The following SETD2 variants were observed in gnomAD, a reference collection of about 807,000 sequenced individuals.
The protein encoded by SETD2 is histone-lysine N-methyltransferase SETD2.
SETD2 carries 31 observed loss-of-function variants against 242.1 expected under a neutral mutation model. The ratio of observed to expected loss-of-function variants is 0.13; its 90% CI spans 0.10 to 0.17. The LOEUF is 0.17. Ranked by LOEUF, SETD2 falls within the 10% of genes least tolerant of loss-of-function variation. The pLI, the probability that SETD2 is intolerant of heterozygous loss-of-function variation, is 1.00. For missense variants in SETD2, 2,481 were observed against 3,046.3 expected (o/e 0.81, Z 4.37); for synonymous variants, 1,006 against 1,066.5 (o/e 0.94, Z 1.11).
rs547630365 is a variant in SETD2 at position 47,121,334 on chromosome 3, C to T, written c.3302G>A (p.Trp1101Ter). ...SQSYRHYSDH[W>*]EDERLESRRH... ...CCTTGACTCCAATCTCTCATCTTCC[C>T]AATGGTCAGAATAGTGTCTATAACT... Residue 1101 changes from tryptophan to a stop codon, truncating the protein, a stop_gained, in exon 3 of 21, where the codon TGG (tryptophan) becomes TAG (stop). Coordinates refer to ENST00000409792, the MANE Select transcript of SETD2 (RefSeq NM_014159.7). LOFTEE classifies it high-confidence loss of function. 6.2e-7 allele frequency: 1 copy of T among 1,610,916 alleles called. No individual in the cohort carries two copies. The highest frequency in any genetic ancestry group is 2.2e-5 in the East Asian group (1 of 44,886).
chr3:47,067,670 A>G (rs1374273915), intron 12 of SETD2, among the ~76,000 whole-genome samples: 1 of 152,040 alleles, frequency 6.6e-6, no homozygotes, highest in African/African-American at 2.4e-5. Flanking sequence ...TCAGCCTCCC[A>G]AAGTGCTGGG....
chr3:47,100,410 GCCA>G (rs2042164991), intron 8 of SETD2, among the ~76,000 whole-genome samples: 1 of 151,740 alleles, frequency 6.6e-6, no homozygotes, highest in Non-Finnish European at 1.5e-5. Context: ...ACAGGCGTGC[GCCA>G]CCACGCCCAG....
In SETD2 at chr3:47,017,386, G is replaced by T; in HGVS notation, c.7534-132C>A. 1 of 961,844 alleles carries T rather than the reference G, an allele frequency of 1.0e-6. No homozygotes were observed. Among genetic ancestry groups the T allele is most frequent in the Non-Finnish European group, 1.5e-6 (1 of 651,662 alleles). The allele number at this position is 961,844 out of a possible 1,614,324, so 59.6% of individuals were successfully genotyped here. ...ACCAAGACAGGAAGTTAATAAGGGG[G>T]TAGATGTTGGGGCAGGCTGGTGCTA... On this transcript the variant is annotated intron_variant, in intron 20 of 20. Coordinates refer to ENST00000409792, the MANE Select transcript of SETD2 (RefSeq NM_014159.7). The surrounding 1 kb of genome is among the most constrained non-coding windows in gnomAD (Gnocchi z 4.8).
chr3:47,153,587 C>T (rs1415978847), intron 1 of SETD2, among the ~76,000 whole-genome samples: 2 of 151,728 alleles, frequency 1.3e-5, no homozygotes, highest in Admixed American at 6.6e-5. Context: ...CCTATCTCTA[C>T]AAAAAAAATT....
chr3:47,142,329 G>A (rs1394807723), intron 1 of SETD2, among the ~76,000 whole-genome samples: 2 of 151,984 alleles, frequency 1.3e-5, no homozygotes, highest in East Asian at 3.9e-4. Flanking sequence ...GCAACATAGT[G>A]AGACCTCGCC....
chr3:47,079,949 A>G (rs557980266), intron 12 of SETD2, among the ~76,000 whole-genome samples: 1 of 152,354 alleles, frequency 6.6e-6, no homozygotes, highest in East Asian at 1.9e-4. Context: ...TTGTTAAAGG[A>G]TAAGTAATAT....
chr3:47,154,106 A>G (rs1239299746), intron 1 of SETD2, among the ~76,000 whole-genome samples: 2 of 152,170 alleles, frequency 1.3e-5, no homozygotes, highest in Non-Finnish European at 2.9e-5. Context: ...TTGTTCAACT[A>G]TTTAAAAAAA....
In SETD2 at chr3:47,083,958, T is replaced by G. The variant is rs1310907958; in HGVS notation, c.5822A>C (p.Glu1941Ala). 1 of 1,614,168 alleles carries G rather than the reference T, an allele frequency of 6.2e-7. No homozygotes were observed. The part of the protein sequence containing the change: ...QQLPECKVDS[E>A]TNIEASKLPT... ...TAGCTTACTAGCTTCTATGTTGGTT[T>G]CACTATCAACTTTGCATTCAGGCAG... is the stretch of plus-strand genomic sequence containing the variant. Residue 1941 changes from glutamate (E) to alanine (A), a missense_variant, in exon 12 of 21, where the codon GAA becomes GCA. Physicochemically the swap from Glu to Ala is moderately radical, Grantham distance 107. Transcript: ENST00000409792.
intron 17 of SETD2, among the ~76,000 whole-genome samples, chr3:47,040,622 C>G (rs1280422896): frequency 6.9e-6 from 1 of 145,302 alleles, no homozygotes; most frequent in South Asian, 2.2e-4. Context: ...TCACCCAGGC[C>G]GGAATGCAGT....
chr3:47,164,007 CCGACCGCGG>C lies in SETD2; in HGVS notation c.-92_-84del, dbSNP rs1443639986. 4.2e-6 allele frequency: 5 copies of C among 1,188,400 alleles called. No individual in the cohort carries two copies. Among genetic ancestry groups the C allele is most frequent in the African/African-American group, 4.5e-5 (2 of 44,278 alleles). The allele number at this position is 1,188,400 out of a possible 1,614,324, so 73.6% of individuals were successfully genotyped here. A position where few individuals can be genotyped will look rare whatever the true frequency, so the allele number is the denominator to read the frequency against. ...GAGGGGAGGGGAGGAGGCCGCAGGTCCGACCGCGGCGGCGGCGGCGGCGGCGGCGGCGGC... is the reference window on the plus strand; with the variant it reads ...GAGGGGAGGGGAGGAGGCCGCAGGTCCGGCGGCGGCGGCGGCGGCGGCGGC... On this transcript the variant is annotated 5_prime_UTR_variant, in exon 1 of 21. Transcript: ENST00000409792. This position sits in a 1 kb window ranked among gnomAD's most constrained non-coding sequence, Gnocchi z 5.4.
intron 12 of SETD2, among the ~76,000 whole-genome samples, chr3:47,075,326 G>A (rs1424570785): frequency 2.0e-5 from 3 of 151,886 alleles, no homozygotes; most frequent in African/African-American, 4.8e-5. Flanking sequence ...TTGGGAAGCC[G>A]AGGTGGGCAG....
chr3:47,129,879 A>C (rs931558698), intron 1 of SETD2, among the ~76,000 whole-genome samples: 1 of 143,876 alleles, frequency 7.0e-6, no homozygotes, highest in Non-Finnish European at 1.5e-5. Flanking sequence ...ACTCCGCCTC[A>C]AAAAAAAAAA....
chr3:47,078,732 T>TG (rs1354268909), intron 12 of SETD2, among the ~76,000 whole-genome samples: 6 of 147,806 alleles, frequency 4.1e-5, no homozygotes, highest in African/African-American at 1.5e-4. Flanking sequence ...TTGTTGTTGT[T>TG]TTGTTTTGTT....
chr3:47,064,851 ATT>A (rs1355589871), intron 13 of SETD2, among the ~76,000 whole-genome samples: 1 of 150,530 alleles, frequency 6.6e-6, no homozygotes, highest in Non-Finnish European at 1.5e-5. Context: ...GCATTTTCTT[ATT>A]TTAGAAACCT....
chr3:47,131,527 T>A (rs1199943586), intron 1 of SETD2, among the ~76,000 whole-genome samples: 2 of 151,610 alleles, frequency 1.3e-5, no homozygotes, highest in Non-Finnish European at 1.5e-5. Context: ...GCATTTTTAG[T>A]AGAAACGGGG....
intron 12 of SETD2, among the ~76,000 whole-genome samples, chr3:47,067,678 G>A (rs2040623529): frequency 6.6e-6 from 1 of 151,954 alleles, no homozygotes; most frequent in South Asian, 2.1e-4. Context: ...CCAAAGTGCT[G>A]GGATTACAGG....
At chr3:47,049,342 TATA>T (rs2039694337) in intron 15 of SETD2, among the ~76,000 whole-genome samples, 2 of 62,256 alleles carry the variant, frequency 3.2e-5, no homozygotes, top group African/African-American at 1.4e-4. Context: ...TATATATATA[TATA>T]TATGTATTCT....
chr3:47,067,393 G>A (rs908962526), intron 12 of SETD2, among the ~76,000 whole-genome samples: 2 of 147,782 alleles, frequency 1.4e-5, no homozygotes, highest in Admixed American at 6.8e-5. Flanking sequence ...GCAAGGATAC[G>A]CTTCCTGAGC....
intron 1 of SETD2, among the ~76,000 whole-genome samples, chr3:47,135,201 C>G (rs1362206675): frequency 1.3e-5 from 2 of 152,202 alleles, no homozygotes; most frequent in Admixed American, 6.5e-5. Flanking sequence ...TTAAGCTTCA[C>G]TTTTGGGCTC....
Sources: gnomAD v4.1 joint callset for allele counts (sites outside exome capture counted in the v4.1 genomes callset) on GRCh38, gnomAD v4.1.1 for gene constraint, Gnocchi (gnomAD v3.1) non-coding constraint, MANE v1.5 for transcripts, NCBI Gene and HGNC (gene_info 2026-07-23, HGNC 2026-07-21) for gene names.